The following ARAP2 variants were observed in gnomAD, a reference collection of about 807,000 sequenced individuals.
ARAP2 encodes the protein ArfGAP with RhoGAP domain, ankyrin repeat and PH domain 2.
ARAP2 carries 148 observed loss-of-function variants against 194.5 expected under a neutral mutation model. The ratio of observed to expected loss-of-function variants is 0.76; its 90% CI spans 0.67 to 0.87. The LOEUF is 0.87. Among genes scored for constraint, ARAP2 ranks in the 40% least tolerant of loss-of-function variants. ARAP2 has a pLI of 0.00. For synonymous variants in ARAP2, 695 were observed against 683.5 expected, an observed-to-expected ratio of 1.02 and a Z score of -0.26; for missense variants, 2,128 against 1,989.7, an observed-to-expected ratio of 1.07 and a Z score of -1.32.
intron 31 of ARAP2, among the ~76,000 whole-genome samples, chr4:36,077,111 A>C (rs1340405694): frequency 6.6e-6 from 1 of 152,064 alleles, no homozygotes; most frequent in Non-Finnish European, 1.5e-5. Flanking sequence ...GCTGGCAGGA[A>C]CTAAGGACTA....
chr4:36,039,918 G>GA (rs1389233606), intron 5 of ARAP2, among the ~76,000 whole-genome samples: 2 of 151,576 alleles, frequency 1.3e-5, no homozygotes, highest in Non-Finnish European at 1.5e-5. Context: ...TGAAGGCCCA[G>GA]ATAAAAAAGA....
intron 7 of ARAP2, among the ~76,000 whole-genome samples, chr4:36,190,670 A>G (rs1578218906): frequency 6.6e-6 from 1 of 152,144 alleles, no homozygotes; most frequent in Non-Finnish European, 1.5e-5. Flanking sequence ...CAAATGTCAC[A>G]CAGTTGGAGA....
chr4:36,021,176 G>A (rs1716873730), intron 5 of ARAP2, among the ~76,000 whole-genome samples: 1 of 152,146 alleles, frequency 6.6e-6, no homozygotes. Flanking sequence ...CATCATCCAG[G>A]TGCATATGAG....
chr4:36,028,986 G>A (rs1408590880), intron 5 of ARAP2, among the ~76,000 whole-genome samples: 1 of 151,860 alleles, frequency 6.6e-6, no homozygotes, highest in Non-Finnish European at 1.5e-5. Context: ...AAATTAATGA[G>A]GTATTATTTC....
At chr4:36,178,791 G>T (rs1738557784) in intron 8 of ARAP2, among the ~76,000 whole-genome samples, 1 of 152,170 alleles carries the variant, frequency 6.6e-6, no homozygotes, top group South Asian at 2.1e-4. Flanking sequence ...AGGTCATATA[G>T]CAAGTTAGTA....
intron 26 of ARAP2, among the ~76,000 whole-genome samples, chr4:36,109,673 A>C (rs552902272): frequency 6.5e-4 from 99 of 151,980 alleles, no homozygotes; most frequent in South Asian, 2.7e-3. Flanking sequence ...TGAAGGTAAG[A>C]CTAATTATAA....
chr4:36,112,039 C>A (rs1022009601), intron 26 of ARAP2, among the ~76,000 whole-genome samples: 1 of 151,926 alleles, frequency 6.6e-6, no homozygotes. Context: ...GCCCTGAGAT[C>A]TCTTCATGGT....
At chr4:36,090,563 TG>T (rs1407723073) in intron 28 of ARAP2, among the ~76,000 whole-genome samples, 1 of 152,092 alleles carries the variant, frequency 6.6e-6, no homozygotes, top group Non-Finnish European at 1.5e-5. Context: ...ACCACGATCA[TG>T]GAACAGTATG....
intron 28 of ARAP2, among the ~76,000 whole-genome samples, chr4:36,087,759 T>G (rs1204602954): frequency 6.6e-6 from 1 of 152,116 alleles, no homozygotes; most frequent in Non-Finnish European, 1.5e-5. Context: ...AAAAGTAAAC[T>G]TACTCTCTAC....
chr4:36,042,116 C>G (rs910314297), intron 5 of ARAP2, among the ~76,000 whole-genome samples: 4 of 152,028 alleles, frequency 2.6e-5, no homozygotes, highest in African/African-American at 9.7e-5. Flanking sequence ...GTATGACAAG[C>G]CCCCATGACA....
At chr4:36,237,676 T>C (rs1359194410) in intron 1 of ARAP2, among the ~76,000 whole-genome samples, 2 of 152,206 alleles carry the variant, frequency 1.3e-5, no homozygotes, top group South Asian at 4.1e-4. Flanking sequence ...GCCAGCTCCA[T>C]GCTTGTACAG....
intron 6 of ARAP2, among the ~76,000 whole-genome samples, chr4:36,202,675 T>C (rs1021091016): frequency 1.7e-4 from 26 of 152,326 alleles, no homozygotes; most frequent in African/African-American, 5.1e-4. Flanking sequence ...CTTTATTTTA[T>C]GGAGTCATAT....
chr4:36,118,014 A>G (rs1314745242), intron 24 of ARAP2, among the ~76,000 whole-genome samples: 1 of 151,508 alleles, frequency 6.6e-6, no homozygotes, highest in Non-Finnish European at 1.5e-5. Context: ...TAACCAAGAA[A>G]TCATTCTCAA....
At chr4:36,173,234 C>T (rs913642479) in intron 9 of ARAP2, among the ~76,000 whole-genome samples, 14 of 152,096 alleles carry the variant, frequency 9.2e-5, no homozygotes, top group South Asian at 4.1e-4. Flanking sequence ...TGGAAACCAA[C>T]GCCAATTGTC....
At chr4:36,221,732 T>A (rs181596853) in intron 2 of ARAP2, among the ~76,000 whole-genome samples, 1 of 152,272 alleles carries the variant, frequency 6.6e-6, no homozygotes, top group Non-Finnish European at 1.5e-5. Context: ...GGCACAAATA[T>A]AGGAAGTAAG....
chr4:36,131,907 C>G (rs1336340459), intron 20 of ARAP2, among the ~76,000 whole-genome samples: 1 of 151,662 alleles, frequency 6.6e-6, no homozygotes, highest in African/African-American at 2.4e-5. Flanking sequence ...AAAAACATAT[C>G]ATAGCAGGAA....
In ARAP2 at chr4:36,121,311, T is replaced by C. The variant is rs766402064; in HGVS notation, c.3762A>G (p.Ser1254=). 4 of 1,597,966 alleles carry C rather than the reference T, an allele frequency of 2.5e-6. No individual in the cohort carries two copies. In the East Asian group the frequency reaches 9.1e-5, roughly 36 times the overall value. Residue 1254 remains serine (S), a synonymous_variant, in exon 23 of 33, where the codon TCA becomes TCG. Coordinates refer to ENST00000303965, the MANE Select transcript of ARAP2 (RefSeq NM_015230.4). ...IEHLYRVQKC[S]EINHMNAHNL... is the part of the protein sequence containing the mutation. ...TATGGGCATTCATGTGATTGATTTC[T>C]GAGCATTTCTGAACCCTGTCAGAGA...
At chr4:36,235,642 C>T (rs1346274568) in intron 1 of ARAP2, among the ~76,000 whole-genome samples, 1 of 152,192 alleles carries the variant, frequency 6.6e-6, no homozygotes, top group East Asian at 1.9e-4. Context: ...CTGCTCAGCT[C>T]AATAAATGTT....
At chr4:36,014,317 A>AGAAGAGAAGGAAG (rs1560264922) in intron 8 of ARAP2, among the ~76,000 whole-genome samples, 11 of 97,242 alleles carry the variant, frequency 1.1e-4, no homozygotes, top group East Asian at 2.8e-4. Context: ...AAGGAAAGAA[A>AGAAGAGAAGGAAG]GAAAGAGAGA....
Sources: allele counts gnomAD v4.1 joint callset (sites outside exome capture counted in the v4.1 genomes callset), GRCh38; gene constraint gnomAD v4.1.1; transcripts MANE v1.5; gene names NCBI Gene and HGNC (gene_info 2026-07-23, HGNC 2026-07-21).